The following SEH1L variants were observed in gnomAD, a reference collection of about 807,000 sequenced individuals.
SEH1L encodes SEH1 like nucleoporin, also known as nucleoporin SEH1.
A neutral mutation model predicts 49.5 loss-of-function variants in SEH1L; 18 were observed. The ratio of observed to expected loss-of-function variants is 0.36; its 90% CI spans 0.25 to 0.54. The LOEUF is 0.54. SEH1L is among the 20% of genes least tolerant of loss of function. The probability of loss-of-function intolerance (pLI) is 0.87; values close to 1 mark genes in which losing one functional copy is unlikely to be tolerated. For synonymous variants in SEH1L, 169 were observed against 178.1 expected (o/e 0.95, Z 0.41); for missense variants, 404 against 528.8 (o/e 0.76, Z 2.31).
chr18:12,963,870 G>C (rs1468098581), intron 4 of SEH1L, among the ~76,000 whole-genome samples: 1 of 152,144 alleles, frequency 6.6e-6, no homozygotes, highest in Non-Finnish European at 1.5e-5. Context: ...GCGCCACCAC[G>C]TCTGCCTAAT....
At chr18:12,981,581 A>G (rs889270068) in intron 6 of SEH1L, among the ~76,000 whole-genome samples, 9 of 152,250 alleles carry the variant, frequency 5.9e-5, no homozygotes, top group African/African-American at 2.2e-4. Context: ...AACATTTTAT[A>G]TATAAATATA....
intron 8 of SEH1L, chr18:12,986,434 A>G: frequency 2.0e-6 from 2 of 986,056 alleles, no homozygotes; most frequent in Non-Finnish European, 2.4e-6. Context: ...GTACGCACTA[A>G]AAAAAATGTG....
At chr18:12,979,751 C>G (rs1378061521) in intron 6 of SEH1L, among the ~76,000 whole-genome samples, 1 of 126,738 alleles carries the variant, frequency 7.9e-6, no homozygotes. Context: ...GGGGGGCTGA[C>G]CCCCCCACCT....
In SEH1L at chr18:12,982,570, G is replaced by A; in HGVS notation, c.814G>A (p.Ala272Thr). 6.2e-7 allele frequency: 1 copy of A among 1,613,748 alleles called. No individual in the cohort carries two copies. Among genetic ancestry groups the A allele is most frequent in the South Asian group, 1.1e-5 (1 of 91,058 alleles). The change falls in exon 7 of 9, where the codon GCT becomes ACT. Residue 272 changes from alanine to threonine, a missense_variant. By Grantham distance (58) the Ala-to-Thr change is moderately conservative. Coordinates refer to ENST00000399892, the MANE Select transcript of SEH1L (RefSeq NM_001013437.2). ...AACAAAGTTTGAAATCCATATAGTG[G>A]CTCAGTTCGATAATCATAATTCTCA... The part of the protein sequence containing the change: ...GPTKFEIHIV[A>T]QFDNHNSQVW...
At chr18:12,981,188 C>T (rs546882787) in intron 6 of SEH1L, among the ~76,000 whole-genome samples, 69 of 151,850 alleles carry the variant, frequency 4.5e-4, no homozygotes, top group South Asian at 3.5e-3. Context: ...GATGGGATGG[C>T]GGCCGGGCAG....
At chr18:12,965,441 A>G (rs1319736274) in intron 4 of SEH1L, among the ~76,000 whole-genome samples, 1 of 152,250 alleles carries the variant, frequency 6.6e-6, no homozygotes, top group Non-Finnish European at 1.5e-5. Flanking sequence ...AGTGGCAGCC[A>G]GCTTTACAAT....
chr18:12,978,067 A>G (rs8092888), intron 5 of SEH1L: 64,348 of 152,112 alleles, frequency 0.42, 13,977 homozygotes, highest in African/African-American at 0.5. Context: ...GGTTCAAGCA[A>G]TTCTCCCACC....
At chr18:12,953,746 G>A (rs1457309129) in intron 2 of SEH1L, among the ~76,000 whole-genome samples, 1 of 152,100 alleles carries the variant, frequency 6.6e-6, no homozygotes, top group Non-Finnish European at 1.5e-5. Context: ...ACAGTGTTGT[G>A]TAACTACCAC....
At chr18:12,979,694 G>A in intron 6 of SEH1L, among the ~76,000 whole-genome samples, 1 of 149,970 alleles carries the variant, frequency 6.7e-6, no homozygotes, top group Non-Finnish European at 1.5e-5. Flanking sequence ...GGCTGGGCGG[G>A]GGGCTGACCC....
intron 5 of SEH1L, chr18:12,978,039 G>C (rs1308397173): frequency 6.6e-6 from 1 of 152,326 alleles, no homozygotes; most frequent in African/African-American, 2.4e-5. Context: ...TGTTGCGCAG[G>C]CTGGTCTTGA....
chr18:12,967,246 T>G (rs1296553702), intron 4 of SEH1L, among the ~76,000 whole-genome samples: 1 of 152,362 alleles, frequency 6.6e-6, no homozygotes, highest in African/African-American at 2.4e-5. Flanking sequence ...TGTATAACCT[T>G]TTTGTGTGTC....
At chr18:12,949,442 GTTTTTTTTTTTTT>G (rs71174155) in intron 1 of SEH1L, among the ~76,000 whole-genome samples, 3 of 51,814 alleles carry the variant, frequency 5.8e-5, no homozygotes, top group Admixed American at 5.2e-4. Flanking sequence ...TACGTTAACC[GTTTTTTTTTTTTT>G]TTTTTTTTTT....
chr18:12,968,082 T>G (rs1392447392), intron 4 of SEH1L, among the ~76,000 whole-genome samples: 1 of 152,248 alleles, frequency 6.6e-6, no homozygotes, highest in Admixed American at 6.5e-5. Flanking sequence ...CTTTATCTTC[T>G]GCGCCACTTG....
chr18:12,963,481 A>G, intron 4 of SEH1L, 110 bp downstream of exon 4: 2 of 827,584 alleles, frequency 2.4e-6, no homozygotes, highest in East Asian at 2.6e-5. Context: ...CTCAAGATAT[A>G]TAGAGTATAT....
intron 3 of SEH1L, among the ~76,000 whole-genome samples, chr18:12,962,011 G>A (rs2031199417): frequency 6.6e-6 from 1 of 152,140 alleles, no homozygotes; most frequent in South Asian, 2.1e-4. Flanking sequence ...TGTGCCAGAA[G>A]ATAACTTTTA....
intron 4 of SEH1L, among the ~76,000 whole-genome samples, chr18:12,967,392 A>G (rs2031497590): frequency 6.6e-6 from 1 of 152,222 alleles, no homozygotes. Flanking sequence ...CAGCCTTCCT[A>G]TGTTTAGGAA....
At position 12,955,469 on chromosome 18, in the gene SEH1L, A is replaced by G; in HGVS notation, c.169A>G (p.Ser57Gly). Residue 57 changes from serine to glycine, a missense_variant, in exon 3 of 9, where the codon AGT (serine) becomes GGT (glycine). Ser to Gly is a moderately conservative substitution (Grantham distance 56, BLOSUM62 0). This residue lies in a region of SEH1L where 5 missense variants were observed against 26.1 expected (regional missense o/e 0.19). Transcript: ENST00000399892. ...WHCTASWKTH[S>G]GSVWRVTWAH... The stretch of plus-strand genomic sequence containing the variant: ...TTTTTTTTTGATTCCCCAGACACAT[A>G]GTGGATCTGTATGGCGTGTGACATG... 1 of 1,612,704 alleles carries G rather than the reference A, an allele frequency of 6.2e-7. No homozygotes were observed. The highest frequency in any genetic ancestry group is 8.5e-7 in the Non-Finnish European group (1 of 1,179,340).
intron 2 of SEH1L, among the ~76,000 whole-genome samples, chr18:12,953,513 A>G (rs1436265750): frequency 6.6e-6 from 1 of 152,122 alleles, no homozygotes; most frequent in Non-Finnish European, 1.5e-5. Context: ...TGTCTTTTTT[A>G]TTATAGCCAT....
Position 12,984,207 on chromosome 18 carries a change from G to A in SEH1L, c.1070+17G>A. The A allele has an allele frequency of 3.1e-6, 5 of 1,610,296 alleles. No individual in the cohort carries two copies. Among genetic ancestry groups the A allele is most frequent in the Non-Finnish European group, 4.2e-6 (5 of 1,177,126 alleles). ...TGCTGGCAGGTAGGCTGCTTCATGG[G>A]AAAACTGGAAATCATCTTTGTTTTA... On this transcript the variant is annotated intron_variant, in intron 8 of 8. Coordinates refer to ENST00000399892, the MANE Select transcript of SEH1L (RefSeq NM_001013437.2).
Sources: allele counts gnomAD v4.1 joint callset (sites outside exome capture counted in the v4.1 genomes callset), GRCh38; gene constraint gnomAD v4.1.1; regional missense constraint gnomAD v4.1.1; transcripts MANE v1.5; gene names NCBI Gene and HGNC (gene_info 2026-07-23, HGNC 2026-07-21).